Variants in SLC12A1 observed in about 807,000 individuals in gnomAD.
The protein encoded by SLC12A1 is solute carrier family 12 member 1, also known as Na-K-2Cl cotransporter.
SLC12A1 carries 89 observed loss-of-function variants against 130.4 expected under a neutral mutation model. That is an observed-to-expected ratio of 0.68 (90% CI 0.58 to 0.81). The LOEUF (loss-of-function observed/expected upper bound fraction) is 0.81. Among genes scored for constraint, SLC12A1 ranks in the 40% least tolerant of loss-of-function variants. The probability of loss-of-function intolerance (pLI) is 0.00; values close to 1 mark genes in which losing one functional copy is unlikely to be tolerated. For missense variants in SLC12A1, 1,310 were observed against 1,336.4 expected (o/e 0.98, Z 0.31); for synonymous variants, 499 against 460.0 (o/e 1.08, Z -1.09).
Position 48,241,718 on chromosome 15 carries a change from T to C in SLC12A1, c.1300+119T>C, listed in dbSNP as rs1417550574. 14 of 736,906 alleles carry C rather than the reference T, an allele frequency of 1.9e-5. No individual in the cohort carries two copies. The South Asian group carries it at 1.9e-4, about 10-fold the overall frequency. The allele number at this position is 736,906 out of a possible 1,614,324, so 45.6% of individuals were successfully genotyped here. A position where few individuals can be genotyped will look rare whatever the true frequency, so the allele number is the denominator to read the frequency against. On this transcript the variant is annotated intron_variant, in intron 10 of 26. Coordinates refer to ENST00000380993, the MANE Select transcript of SLC12A1 (RefSeq NM_000338.3). ...TTTTTTAAAAGGCAACAATTTTAAT[T>C]CCGTTCTTGGTACCTTAATGTTAAT...
intron 17 of SLC12A1, among the ~76,000 whole-genome samples, chr15:48,266,821 A>G (rs1203035170): frequency 6.6e-6 from 1 of 152,206 alleles, no homozygotes; most frequent in Non-Finnish European, 1.5e-5. Context: ...ATAAAAATAG[A>G]ATTTTTCATT....
intron 26 of SLC12A1, among the ~76,000 whole-genome samples, chr15:48,301,998 C>T (rs992796650): frequency 2.6e-5 from 4 of 152,134 alleles, no homozygotes; most frequent in South Asian, 2.1e-4. Flanking sequence ...TATATCTTCA[C>T]GTAGTGTAGA....
intron 24 of SLC12A1, among the ~76,000 whole-genome samples, chr15:48,293,046 G>C (rs1011385788): frequency 6.6e-6 from 1 of 152,142 alleles, no homozygotes; most frequent in African/African-American, 2.4e-5. Flanking sequence ...CTCCTAGATA[G>C]CTGGGACCAC....
chr15:48,246,979 C>T lies in SLC12A1; in HGVS notation c.1523C>T (p.Ala508Val). The T allele has an allele frequency of 6.2e-7, 1 of 1,613,972 alleles. No individual in the cohort carries two copies. Among genetic ancestry groups the T allele is most frequent in the Non-Finnish European group, 8.5e-7 (1 of 1,179,852 alleles). ...AGIFSATLSS[A>V]LASLVSAPKV... The stretch of plus-strand genomic sequence containing the variant: ...ATCTTTTCTGCAACACTCTCCTCCG[C>T]CCTGGCCTCCCTTGTCAGCGCACCC... Residue 508 changes from alanine (A) to valine (V), a missense_variant, in exon 12 of 27, where the codon GCC (alanine) becomes GTC (valine). By Grantham distance (64) the Ala-to-Val change is moderately conservative (BLOSUM62 0). Transcript: ENST00000380993.
At chr15:48,289,687 T>C (rs952990606) in intron 23 of SLC12A1, among the ~76,000 whole-genome samples, 3 of 151,990 alleles carry the variant, frequency 2.0e-5, no homozygotes, top group Non-Finnish European at 4.4e-5. Flanking sequence ...TGTGACACAA[T>C]GGTAAATATT....
At chr15:48,292,650 T>A (rs2042133408) in intron 24 of SLC12A1, among the ~76,000 whole-genome samples, 1 of 152,156 alleles carries the variant, frequency 6.6e-6, no homozygotes, top group South Asian at 2.1e-4. Context: ...ATTACTCAGT[T>A]CCCTTTGAGG....
chr15:48,235,085 G>A, intron 9 of SLC12A1, 81 bp downstream of exon 9: 1 of 1,366,966 alleles, frequency 7.3e-7, no homozygotes, highest in Non-Finnish European at 1.0e-6. Flanking sequence ...GAGGTTAGAT[G>A]TGACCATATT....
At chr15:48,247,560 G>T in intron 13 of SLC12A1, 100 bp downstream of exon 13, 1 of 955,838 alleles carries the variant, frequency 1.0e-6, no homozygotes, top group South Asian at 1.8e-5. Context: ...TTTATGTTTA[G>T]GATCCCATTT....
At chr15:48,224,495 T>C (rs1029824297) in intron 4 of SLC12A1, 2 of 151,962 alleles carry the variant, frequency 1.3e-5, no homozygotes, top group African/African-American at 2.4e-5. Context: ...CGTAGAGAGG[T>C]GATAAGACAA....
At chr15:48,213,194 T>C in intron 2 of SLC12A1, among the ~76,000 whole-genome samples, 1 of 152,204 alleles carries the variant, frequency 6.6e-6, no homozygotes, top group East Asian at 1.9e-4. Context: ...GATCTTCAGT[T>C]CTACTTTCCA....
chr15:48,225,751 G>T, intron 4 of SLC12A1: 1 of 207,404 alleles, frequency 4.8e-6, no homozygotes, highest in Non-Finnish European at 8.5e-6. Context: ...AAACTCAAAT[G>T]TGGTCCTTTG....
chr15:48,240,240 T>A (rs1020711116), intron 9 of SLC12A1, among the ~76,000 whole-genome samples: 1 of 151,740 alleles, frequency 6.6e-6, no homozygotes, highest in Non-Finnish European at 1.5e-5. Context: ...TTTTGGAACA[T>A]AACATGAATT....
chr15:48,262,295 T>C (rs922286791), intron 17 of SLC12A1, among the ~76,000 whole-genome samples: 12 of 152,186 alleles, frequency 7.9e-5, no homozygotes, highest in African/African-American at 2.9e-4. Flanking sequence ...TTGCTTTAAG[T>C]GCTGTTACAT....
At chr15:48,226,190 G>T in intron 4 of SLC12A1, 1 of 329,480 alleles carries the variant, frequency 3.0e-6, no homozygotes, top group Non-Finnish European at 5.4e-6. Context: ...TCTTTTCACA[G>T]CCAGGATAGT....
chr15:48,273,484 G>C (rs1046142845), intron 19 of SLC12A1, among the ~76,000 whole-genome samples: 2 of 152,122 alleles, frequency 1.3e-5, no homozygotes, highest in Non-Finnish European at 2.9e-5. Context: ...ACACTCACAG[G>C]TTCCAGGAAT....
intron 20 of SLC12A1, among the ~76,000 whole-genome samples, chr15:48,280,997 T>A (rs940021068): frequency 1.9e-4 from 29 of 152,258 alleles, no homozygotes; most frequent in African/African-American, 6.5e-4. Context: ...AATTCTTGAG[T>A]GCCTGTTGGT....
intron 13 of SLC12A1, among the ~76,000 whole-genome samples, chr15:48,247,983 C>G (rs1365183034): frequency 6.6e-6 from 1 of 152,206 alleles, no homozygotes; most frequent in Non-Finnish European, 1.5e-5. Context: ...TTGAGAATCA[C>G]TTACCTAGAC....
rs34819316 is a variant in SLC12A1, at chr15:48,208,066, G to C, written c.347G>C (p.Arg116Pro). The change falls in exon 2 of 27, where the codon CGT becomes CCT. Residue 116 changes from arginine (R) to proline (P), a missense_variant. By Grantham distance (103) the Arg-to-Pro change is moderately radical. Transcript: ENST00000380993. ...MDAVPKIEYY[R>P]NTGSISGPKV... ...GCCGTTCCCAAGATAGAGTACTATC[G>C]TAACACCGGCAGCATCAGTGGGCCC... The C allele has an allele frequency of 6.2e-7, 1 of 1,613,610 alleles. No homozygotes were observed. The highest frequency in any genetic ancestry group is 2.2e-5 in the East Asian group (1 of 44,872).
intron 2 of SLC12A1, among the ~76,000 whole-genome samples, chr15:48,216,074 G>A (rs2041117363): frequency 1.3e-5 from 2 of 151,872 alleles, no homozygotes; most frequent in Non-Finnish European, 2.9e-5. Context: ...TCCCCTCTAT[G>A]GTATAAATAT....
Sources: gnomAD v4.1 joint callset for allele counts (sites outside exome capture counted in the v4.1 genomes callset) on GRCh38, gnomAD v4.1.1 for gene constraint, MANE v1.5 for transcripts, NCBI Gene and HGNC (gene_info 2026-07-23, HGNC 2026-07-21) for gene names.